Variants in FGF11 observed in about 807,000 individuals in gnomAD.
The protein encoded by FGF11 is fibroblast growth factor homologous factor 3.
In FGF11, 25 loss-of-function variants were observed where a neutral mutation model predicts 25.1. The ratio of observed to expected loss-of-function variants is 1.00; its 90% CI spans 0.73 to 1.39. The LOEUF is 1.39. Ranked by LOEUF, FGF11 falls within the 40% of genes most tolerant of loss-of-function variation. The pLI is 0.00. For synonymous variants in FGF11, 130 were observed against 128.9 expected (o/e 1.01, Z -0.06); for missense variants, 320 against 311.0 (o/e 1.03, Z -0.22).
chr17:7,443,421 C>G lies in FGF11; in HGVS notation c.*275C>G, dbSNP rs1038845797. 1.1e-5 allele frequency: 4 copies of G among 376,494 alleles called. No homozygotes were observed. Among genetic ancestry groups the G allele is most frequent in the African/African-American group, 2.1e-5 (1 of 48,196 alleles). The allele number at this position is 376,494 out of a possible 1,614,324, so 23.3% of individuals were successfully genotyped here. Reference sequence around the variant, plus strand: ...TCTTTCTTTCCACACTCACACAACGCCATGCCTTTTCCTGAGATGGCGCTG... The same window carrying G: ...TCTTTCTTTCCACACTCACACAACGGCATGCCTTTTCCTGAGATGGCGCTG... On this transcript the variant is annotated 3_prime_UTR_variant, in exon 5 of 5. Transcript: ENST00000293829.
rs952882295 is a variant in FGF11 at position 7,440,223 on chromosome 17, C to G, written c.193+410C>G. On this transcript the variant is annotated intron_variant, in intron 1 of 4. Transcript: ENST00000293829. The surrounding 1 kb of genome is among the most constrained non-coding windows in gnomAD (Gnocchi z 5.4). ...ATTTCTGCAGCTCCAGCCGCACGCC[C>G]CCCCCCAGCCCCCGCCTGCCCCGGT... The G allele has an allele frequency of 1.2e-5, 2 of 161,954 alleles. No homozygotes were observed. Among genetic ancestry groups the G allele is most frequent in the East Asian group, 1.8e-4 (1 of 5,640 alleles). The allele number at this position is 161,954 out of a possible 1,614,324, so 10.0% of individuals were successfully genotyped here.
upstream of FGF11, chr17:7,438,911 G>T (rs1476432414): frequency 6.6e-6 from 1 of 152,202 alleles, no homozygotes; most frequent in Non-Finnish European, 1.5e-5. Context: ...TGAAGAAAGG[G>T]TCTTGGCCGC....
chr17:7,441,120 T>C, intron 1 of FGF11: 1 of 308,132 alleles, frequency 3.2e-6, no homozygotes, highest in Non-Finnish European at 5.7e-6. Flanking sequence ...GCCCCTTCAG[T>C]ACCCCTGCTG....
intron 3 of FGF11, 157 bp downstream of exon 3, chr17:7,442,036 C>T: frequency 1.7e-6 from 1 of 601,312 alleles, no homozygotes; most frequent in Non-Finnish European, 2.9e-6. Context: ...CCATTCCAGA[C>T]CAGCTCCTCT....
At chr17:7,439,878 G>C in intron 1 of FGF11, 65 bp downstream of exon 1, 1 of 1,310,828 alleles carries the variant, frequency 7.6e-7, no homozygotes, top group Non-Finnish European at 9.9e-7. Context: ...TGAGGCCAGG[G>C]ACTCTGAAGA....
Position 7,444,439 on chromosome 17 carries a change from C to T in FGF11, c.*1293C>T, listed in dbSNP as rs1163541096. On this transcript the variant is annotated 3_prime_UTR_variant, in exon 5 of 5. Coordinates refer to ENST00000293829, the MANE Select transcript of FGF11 (RefSeq NM_004112.4). ...CAAATGGATACAGCCTTGACCCTCCCAGTGAGGAGACCCCAATTCAGCAAT... is the reference window on the plus strand; with the variant it reads ...CAAATGGATACAGCCTTGACCCTCCTAGTGAGGAGACCCCAATTCAGCAAT... 11 of 153,186 alleles carry T rather than the reference C, an allele frequency of 7.2e-5. No homozygotes were observed. The highest frequency in any genetic ancestry group is 7.2e-4 in the Admixed American group (11 of 15,348). The allele number at this position is 153,186 out of a possible 1,614,324, so 9.5% of individuals were successfully genotyped here. A position where few individuals can be genotyped will look rare whatever the true frequency, so the allele number is the denominator to read the frequency against.
rs374886752 is a variant in FGF11, at chr17:7,442,808, A to G, written c.607+16A>G. On this transcript the variant is annotated intron_variant, in intron 4 of 4. Transcript: ENST00000293829. ...CTCCTGGAGGGTGGGTATAGACTCA[A>G]GAAAATGTGGGCCACAGGAGAGGGT... The G allele has an allele frequency of 6.2e-7, 1 of 1,613,072 alleles. No homozygotes were observed. Among genetic ancestry groups the G allele is most frequent in the Non-Finnish European group, 8.5e-7 (1 of 1,179,390 alleles).
intron 1 of FGF11, chr17:7,441,044 G>C: frequency 1.3e-6 from 1 of 764,102 alleles, no homozygotes; most frequent in African/African-American, 1.9e-5. Context: ...CCCCACTCCT[G>C]AGGGAGAGCC....
chr17:7,440,841 A>G lies in FGF11; in HGVS notation c.194-630A>G, dbSNP rs1908289401. On this transcript the variant is annotated intron_variant, in intron 1 of 4. Transcript: ENST00000293829. This position sits in a 1 kb window ranked among gnomAD's most constrained non-coding sequence, Gnocchi z 5.4. The stretch of plus-strand genomic sequence containing the variant: ...GGTAAGGTCCCCCTTACCCCAGGCG[A>G]GTTACCTGGCCGAAGGGGAGAGGCT... 1 of 987,694 alleles carries G rather than the reference A, an allele frequency of 1.0e-6. No individual in the cohort carries two copies. Among genetic ancestry groups the G allele is most frequent in the Non-Finnish European group, 1.2e-6 (1 of 831,596 alleles). 61.2% of individuals were successfully genotyped at this position (987,694 alleles called of 1,614,324 possible). A position where few individuals can be genotyped will look rare whatever the true frequency, so the allele number is the denominator to read the frequency against.
upstream of FGF11, chr17:7,439,256 A>C: frequency 2.7e-5 from 5 of 185,836 alleles, no homozygotes; most frequent in Non-Finnish European, 2.2e-5. Context: ...GCCTGAAGAT[A>C]TTTAAACCAC....
upstream of FGF11, chr17:7,438,568 A>T (rs1327747404): frequency 6.5e-6 from 1 of 152,882 alleles, no homozygotes; most frequent in Non-Finnish European, 1.5e-5. Flanking sequence ...GGGGTGCTAT[A>T]GGCAATCCCG....
rs149874793 is a variant in FGF11 at position 7,442,020 on chromosome 17, C to T, written c.408+141C>T. ...TCCAGCTTTGCTGATGGCCTGTCAT[C>T]GCTGCCCATTCCAGACCAGCTCCTC... On this transcript the variant is annotated intron_variant, in intron 3 of 4. Coordinates refer to ENST00000293829, the MANE Select transcript of FGF11 (RefSeq NM_004112.4). The T allele has an allele frequency of 8.8e-4, 565 of 640,198 alleles. 5 individuals are homozygous for T. In the African/African-American group the frequency reaches 9.0e-3, roughly 10 times the overall value. 39.7% of individuals were successfully genotyped at this position (640,198 alleles called of 1,614,324 possible). A position where few individuals can be genotyped will look rare whatever the true frequency, so the allele number is the denominator to read the frequency against.
At chr17:7,441,955 A>G (rs1481438942) in intron 3 of FGF11, 76 bp downstream of exon 3, 15 of 1,079,070 alleles carry the variant, frequency 1.4e-5, no homozygotes, top group Non-Finnish European at 1.9e-5. Context: ...GGGAATGACA[A>G]CCTTCCTCAA....
At chr17:7,441,672 G>T in intron 2 of FGF11, 91 bp downstream of exon 2, 1 of 1,586,714 alleles carries the variant, frequency 6.3e-7, no homozygotes, top group South Asian at 1.1e-5. Context: ...TGTTGCCATT[G>T]ATCCGTCTTC....
Position 7,440,855 on chromosome 17 carries a change from A to G in FGF11, c.194-616A>G. ...TACCCCAGGCGAGTTACCTGGCCGA[A>G]GGGGAGAGGCTGAGCCTCAGGGAGA... On this transcript the variant is annotated intron_variant, in intron 1 of 4. Coordinates refer to ENST00000293829, the MANE Select transcript of FGF11 (RefSeq NM_004112.4). The surrounding 1 kb of genome is among the most constrained non-coding windows in gnomAD (Gnocchi z 5.4). 1 of 988,584 alleles carries G rather than the reference A, an allele frequency of 1.0e-6. No homozygotes were observed. Among genetic ancestry groups the G allele is most frequent in the Non-Finnish European group, 1.2e-6 (1 of 831,936 alleles). 61.2% of individuals were successfully genotyped at this position (988,584 alleles called of 1,614,324 possible). A position where few individuals can be genotyped will look rare whatever the true frequency, so the allele number is the denominator to read the frequency against.
At chr17:7,439,415 C>T, upstream of FGF11, 2 of 462,608 alleles carry the variant, frequency 4.3e-6, no homozygotes, top group South Asian at 7.1e-5. Context: ...CTGGTGGAGC[C>T]AGCACTGGGC....
At position 7,439,610 on chromosome 17, in the gene FGF11, C is replaced by G. The variant is rs531798531; in HGVS notation, c.-11C>G. The G allele has an allele frequency of 3.5e-5, 50 of 1,416,572 alleles. No individual in the cohort carries two copies. The East Asian group carries it at 1.4e-3, about 39-fold the overall frequency. The allele number at this position is 1,416,572 out of a possible 1,614,324, so 87.8% of individuals were successfully genotyped here. A position where few individuals can be genotyped will look rare whatever the true frequency, so the allele number is the denominator to read the frequency against. On this transcript the variant is annotated 5_prime_UTR_variant, in exon 1 of 5. Transcript: ENST00000293829. The stretch of plus-strand genomic sequence containing the variant: ...GCCTGCCGGTTTGGGGGTGTCTCCT[C>G]CCGGGGCGCTATGGCGGCGCTGGCC...
upstream of FGF11, chr17:7,439,316 A>C: frequency 3.4e-6 from 1 of 292,492 alleles, no homozygotes; most frequent in Non-Finnish European, 6.4e-6. Flanking sequence ...AAGTGAGGAC[A>C]GACACTGGAG....
upstream of FGF11, chr17:7,438,579 G>C (rs572490448): frequency 6.5e-6 from 1 of 152,996 alleles, no homozygotes; most frequent in South Asian, 2.1e-4. Context: ...GGCAATCCCG[G>C]GGAGGACGAG....
Sources: gnomAD v4.1 joint callset for allele counts on GRCh38, gnomAD v4.1.1 for gene constraint, Gnocchi (gnomAD v3.1) non-coding constraint, MANE v1.5 for transcripts, NCBI Gene and HGNC (gene_info 2026-07-23, HGNC 2026-07-21) for gene names.